SSBP3: variants seen among roughly 807,000 people sequenced by gnomAD.
SSBP3 encodes single stranded DNA binding protein 3, also known as single-stranded DNA-binding protein 3.
Under a neutral mutation model 69.6 loss-of-function variants are expected in SSBP3, and 5 were observed. That is an observed-to-expected ratio of 0.07 (90% confidence interval 0.04 to 0.15). SSBP3 has a LOEUF of 0.15. SSBP3 is among the 10% of genes least tolerant of loss of function. The probability of loss-of-function intolerance (pLI) is 1.00; values close to 1 mark genes in which losing one functional copy is unlikely to be tolerated. For synonymous variants in SSBP3, 196 were observed against 193.4 expected, an observed-to-expected ratio of 1.01 and a Z score of -0.11; for missense variants, 312 against 534.0, an observed-to-expected ratio of 0.58 and a Z score of 4.10.
At chr1:54,332,974 TCCCCTGTGTCACTGTCAGC>T (rs2100465226) in intron 4 of SSBP3, among the ~76,000 whole-genome samples, 1 of 152,282 alleles carries the variant, frequency 6.6e-6, no homozygotes, top group Non-Finnish European at 1.5e-5. Context: ...GCAGCATTGT[TCCCCTGTGTCACTGTCAGC>T]AGTTCTGCTG....
chr1:54,384,790 A>C (rs1475872209), intron 4 of SSBP3, among the ~76,000 whole-genome samples: 1 of 152,184 alleles, frequency 6.6e-6, no homozygotes, highest in Non-Finnish European at 1.5e-5. Flanking sequence ...AAACACAGAA[A>C]TATTCCGTTA....
At chr1:54,340,852 G>A (rs747914829) in intron 4 of SSBP3, among the ~76,000 whole-genome samples, 4 of 152,214 alleles carry the variant, frequency 2.6e-5, no homozygotes, top group African/African-American at 7.2e-5. Flanking sequence ...GCTAAGAGGA[G>A]GCAGAAGGTC....
chr1:54,321,853 C>G (rs1646220092), intron 4 of SSBP3, among the ~76,000 whole-genome samples: 1 of 152,198 alleles, frequency 6.6e-6, no homozygotes, highest in Admixed American at 6.5e-5. Context: ...GGTGGGGTCT[C>G]AGCCCACTGG....
intron 3 of SSBP3, among the ~76,000 whole-genome samples, chr1:54,402,525 C>G (rs1050239469): frequency 6.6e-6 from 1 of 152,068 alleles, no homozygotes; most frequent in African/African-American, 2.4e-5. Flanking sequence ...ACCTCACCCC[C>G]ACTCCCACCC....
chr1:54,234,350 AT>A (rs1290262518), intron 14 of SSBP3, among the ~76,000 whole-genome samples: 2 of 120,596 alleles, frequency 1.7e-5, no homozygotes, highest in South Asian at 2.9e-4. Flanking sequence ...CAATAAAAAA[AT>A]AAATTAAAAA....
In SSBP3 at chr1:54,242,229, G is replaced by C. The variant is rs1644652143; in HGVS notation, c.717-17C>G. 6.2e-7 allele frequency: 1 copy of C among 1,613,824 alleles called. No individual in the cohort carries two copies. The highest frequency in any genetic ancestry group is 2.2e-5 in the East Asian group (1 of 44,858). Reference sequence around the variant, plus strand: ...CCCGGGCCCCTGAGAGAGGGAGAAAGAGATGTGGACAATGAAAAAGGCGCT... The same window carrying C: ...CCCGGGCCCCTGAGAGAGGGAGAAACAGATGTGGACAATGAAAAAGGCGCT... On this transcript the variant is annotated splice_polypyrimidine_tract_variant and intron_variant, in intron 10 of 17. Transcript: ENST00000610401.
intron 4 of SSBP3, among the ~76,000 whole-genome samples, chr1:54,312,871 C>T (rs956670204): frequency 6.6e-6 from 1 of 152,132 alleles, no homozygotes; most frequent in Non-Finnish European, 1.5e-5. Context: ...TTGATTGGTC[C>T]AGCTTCCTGG....
intron 4 of SSBP3, among the ~76,000 whole-genome samples, chr1:54,294,962 C>T (rs889798685): frequency 1.3e-5 from 2 of 152,148 alleles, no homozygotes; most frequent in African/African-American, 2.4e-5. Context: ...GGCTCCTCCA[C>T]CAAACTAGGG....
intron 14 of SSBP3, among the ~76,000 whole-genome samples, chr1:54,234,239 A>C (rs1644445321): frequency 6.7e-6 from 1 of 149,638 alleles, no homozygotes; most frequent in Non-Finnish European, 1.5e-5. Context: ...TGCCTAGGAA[A>C]ACCAGAGACC....
intron 14 of SSBP3, 72 bp from the exon 15 acceptor site, chr1:54,228,898 G>C: frequency 6.7e-7 from 1 of 1,491,330 alleles, no homozygotes; most frequent in Middle Eastern, 1.7e-4. Flanking sequence ...GCAGGGGGCT[G>C]CAGCCACGCT....
At chr1:54,230,232 C>T (rs1202606147) in intron 14 of SSBP3, among the ~76,000 whole-genome samples, 3 of 152,140 alleles carry the variant, frequency 2.0e-5, no homozygotes, top group Non-Finnish European at 2.9e-5. Flanking sequence ...GTGGGCCCCC[C>T]ACCAAAGCAG....
At chr1:54,360,771 T>C (rs1462462668) in intron 4 of SSBP3, among the ~76,000 whole-genome samples, 2 of 152,120 alleles carry the variant, frequency 1.3e-5, no homozygotes, top group African/African-American at 2.4e-5. Flanking sequence ...CCCCAGGTCA[T>C]AGCCTGGATT....
intron 4 of SSBP3, among the ~76,000 whole-genome samples, chr1:54,347,329 G>C (rs1646705594): frequency 6.7e-6 from 1 of 150,344 alleles, no homozygotes; most frequent in African/African-American, 2.5e-5. Context: ...ATAAATACTA[G>C]GTAAATAGTT....
intron 4 of SSBP3, among the ~76,000 whole-genome samples, chr1:54,360,126 C>T (rs970358665): frequency 6.6e-6 from 1 of 152,204 alleles, no homozygotes; most frequent in Non-Finnish European, 1.5e-5. Context: ...GTTTTGGAAT[C>T]AATTACATAA....
chr1:54,306,273 A>G (rs1267741902), intron 4 of SSBP3, among the ~76,000 whole-genome samples: 1 of 152,178 alleles, frequency 6.6e-6, no homozygotes, highest in Non-Finnish European at 1.5e-5. Context: ...GAGGAATATG[A>G]TAACGCACAG....
chr1:54,411,924 C>T (rs546911348), intron 1 of SSBP3, among the ~76,000 whole-genome samples: 2 of 149,950 alleles, frequency 1.3e-5, no homozygotes, highest in African/African-American at 4.9e-5. Flanking sequence ...AAGGCAAGGC[C>T]CTATCCTGGT....
exon 1 of SSBP3, chr1:54,406,059 G>GCCGCCGCCGCCC: frequency 7.1e-7 from 1 of 1,407,184 alleles, no homozygotes; most frequent in Non-Finnish European, 9.4e-7. Context: ...CGCCGCCGCC[G>GCCGCCGCCGCCC]CTACCGCTCC....
intron 4 of SSBP3, among the ~76,000 whole-genome samples, chr1:54,339,888 C>T (rs895964897): frequency 6.6e-6 from 1 of 151,410 alleles, no homozygotes; most frequent in South Asian, 2.1e-4. Context: ...CACTCCAGCA[C>T]GGGCAAAAAA....
intron 4 of SSBP3, among the ~76,000 whole-genome samples, chr1:54,295,238 G>A (rs1314272228): frequency 6.6e-6 from 1 of 152,134 alleles, no homozygotes; most frequent in Non-Finnish European, 1.5e-5. Context: ...CCACCCCTGT[G>A]CTGATCACGT....
Sources: allele counts gnomAD v4.1 joint callset (sites outside exome capture counted in the v4.1 genomes callset), GRCh38; gene constraint gnomAD v4.1.1; transcripts MANE v1.5; gene names NCBI Gene and HGNC (gene_info 2026-07-23, HGNC 2026-07-21).